Variants in NR4A1 observed in about 807,000 individuals in gnomAD.
NR4A1 encodes the protein nuclear receptor subfamily 4immunitygroup A member 1.
NR4A1 carries 24 observed loss-of-function variants against 47.5 expected under a neutral mutation model. The observed-to-expected ratio is 0.50, with a 90% CI of 0.37 to 0.71. The LOEUF is 0.71. Ranked by LOEUF, NR4A1 falls within the 30% of genes least tolerant of loss-of-function variation. The pLI is 0.00. For missense variants in NR4A1, 669 were observed against 788.6 expected, an observed-to-expected ratio of 0.85 and a Z score of 1.82; for synonymous variants, 353 against 345.7, an observed-to-expected ratio of 1.02 and a Z score of -0.24.
chr12:52,037,301 G>T, intron 1 of NR4A1: 1 of 903,484 alleles, frequency 1.1e-6, no homozygotes, highest in South Asian at 4.9e-5. Flanking sequence ...GGCGGCGGCG[G>T]AACTGGCGGG....
intron 1 of NR4A1, among the ~76,000 whole-genome samples, chr12:52,052,300 TGTGTGAGAGAGAGAGA>T (rs1939014257): frequency 7.4e-6 from 1 of 135,586 alleles, no homozygotes; most frequent in South Asian, 2.4e-4. Flanking sequence ...TGTGTGTGTG[TGTGTGAGAGAGAGAGA>T]GAGAGAGAGA....
At chr12:52,057,730 C>T (rs559984016) in intron 6 of NR4A1, among the ~76,000 whole-genome samples, 200 bp downstream of exon 6, 55 of 152,326 alleles carry the variant, frequency 3.6e-4, no homozygotes, top group Admixed American at 2.7e-3. Flanking sequence ...AGCTCTAAAG[C>T]GCAAGACAGC....
exon 2 of NR4A1, chr12:52,041,839 G>C: frequency 6.7e-7 from 1 of 1,502,332 alleles, no homozygotes; most frequent in Non-Finnish European, 8.8e-7. Context: ...GCCAGGCCCT[G>C]CCCCTCCCAG....
At chr12:52,058,597 T>C in intron 6 of NR4A1, 91 bp from the exon 7 acceptor site, 1 of 1,429,978 alleles carries the variant, frequency 7.0e-7, no homozygotes, top group Non-Finnish European at 9.2e-7. Context: ...TGAGGGGTGG[T>C]CAGGGGCAGC....
chr12:52,047,950 C>T (rs549889596), upstream of NR4A1, among the ~76,000 whole-genome samples: 799 of 151,958 alleles, frequency 5.3e-3, 3 homozygotes, highest in Non-Finnish European at 8.4e-3. Flanking sequence ...GTCAGGAGAT[C>T]GAGACTATCC....
At position 52,054,792 on chromosome 12, in the gene NR4A1, A is replaced by T. The variant is rs772399925; in HGVS notation, c.464A>T (p.Asp155Val). ...SFQPPQLSPW[D>V]GSFGHFSPSQ... ...CAGCCGCCCCAGCTCTCTCCCTGGG[A>T]TGGCTCCTTCGGCCACTTCTCGCCC... The change falls in exon 2 of 7, where the codon GAT becomes GTT. Residue 155 changes from aspartate to valine, a missense_variant. Transcript: ENST00000394825. 1.9e-6 allele frequency: 3 copies of T among 1,612,956 alleles called. No homozygotes were observed. Among genetic ancestry groups the T allele is most frequent in the African/African-American group, 1.3e-5 (1 of 74,908 alleles).
chr12:52,037,540 G>A (rs1938280242), intron 1 of NR4A1: 1 of 980,630 alleles, frequency 1.0e-6, no homozygotes, highest in East Asian at 1.1e-4. Context: ...GGGCCACGCC[G>A]GAGTCCCGCT....
chr12:52,059,268 G>A lies in NR4A1; in HGVS notation c.*324G>A, dbSNP rs984468914. On this transcript the variant is annotated 3_prime_UTR_variant, in exon 7 of 7. Coordinates refer to ENST00000394825, the MANE Select transcript of NR4A1 (RefSeq NM_173157.3). Reference sequence around the variant, plus strand: ...TAAATACAGGAAGAAAGAGCTTGAGGTGGGAGCGGGGCTGGGAGGAAGGGA... The same window carrying A: ...TAAATACAGGAAGAAAGAGCTTGAGATGGGAGCGGGGCTGGGAGGAAGGGA... 7.7e-6 allele frequency: 2 copies of A among 260,624 alleles called. No individual in the cohort carries two copies. The highest frequency in any genetic ancestry group is 4.4e-5 in the African/African-American group (2 of 44,982). 16.1% of individuals were successfully genotyped at this position (260,624 alleles called of 1,614,324 possible).
chr12:52,027,468 C>T (rs938132082), intron 1 of NR4A1, among the ~76,000 whole-genome samples: 1 of 152,234 alleles, frequency 6.6e-6, no homozygotes, highest in Non-Finnish European at 1.5e-5. Flanking sequence ...AAGGCAGCTC[C>T]CAGCCACGCT....
intron 1 of NR4A1, 120 bp downstream of exon 1, chr12:52,051,688 C>T (rs1415305968): frequency 6.2e-6 from 4 of 640,232 alleles, no homozygotes; most frequent in Non-Finnish European, 7.8e-6. Flanking sequence ...GTGTAGTGTG[C>T]AGCTGTAGCA....
chr12:52,024,911 C>G lies in NR4A1; in HGVS notation c.-84+1972C>G, dbSNP rs532058548. 2.0e-5 allele frequency among the ~76,000 whole-genome samples: 3 copies of G among 152,312 alleles called. No homozygotes were observed. In the South Asian group the frequency reaches 6.2e-4, roughly 32 times the overall value. Reference sequence around the variant, plus strand: ...GGTAATGCCAGGAATACCCACTTCACAGGCAGCGGTGAGGCCCCGCACACA... The same window carrying G: ...GGTAATGCCAGGAATACCCACTTCAGAGGCAGCGGTGAGGCCCCGCACACA... On this transcript the variant is annotated intron_variant, in intron 1 of 7. Coordinates refer to the NR4A1 transcript ENST00000360284.
chr12:52,046,839 C>T (rs367710060), upstream of NR4A1, among the ~76,000 whole-genome samples: 56 of 152,186 alleles, frequency 3.7e-4, no homozygotes, highest in African/African-American at 8.9e-4. Flanking sequence ...AAAAATTAGC[C>T]GGGCGTGGTG....
intron 2 of NR4A1, chr12:52,045,625 G>A: frequency 1.2e-5 from 5 of 420,152 alleles, no homozygotes; most frequent in South Asian, 8.4e-5. Context: ...TCTTGGAGAG[G>A]ACAAGGGACT....
At chr12:52,051,405 A>G (rs1938930651), upstream of NR4A1, 2 of 985,374 alleles carry the variant, frequency 2.0e-6, no homozygotes, top group Non-Finnish European at 2.4e-6. Flanking sequence ...CCCGTGCGTC[A>G]CGGAGCGCTT....
At chr12:52,042,807 G>T (rs1938488902) in intron 2 of NR4A1, among the ~76,000 whole-genome samples, 1 of 152,216 alleles carries the variant, frequency 6.6e-6, no homozygotes, top group African/African-American at 2.4e-5. Flanking sequence ...TCCTGGTTCT[G>T]TGCCTAAAGG....
intron 1 of NR4A1, among the ~76,000 whole-genome samples, chr12:52,025,823 G>A (rs367889762): frequency 6.6e-6 from 1 of 152,166 alleles, no homozygotes; most frequent in African/African-American, 2.4e-5. Flanking sequence ...AGTACCTCCT[G>A]TTACCAGCAG....
chr12:52,023,221 C>A (rs1937920816), intron 1 of NR4A1, among the ~76,000 whole-genome samples: 1 of 152,368 alleles, frequency 6.6e-6, no homozygotes, highest in South Asian at 2.1e-4. Context: ...GCCTTCAAGG[C>A]CTGGGCTAGA....
At chr12:52,056,279 A>G (rs957778664) in intron 3 of NR4A1, 120 bp downstream of exon 3, 2 of 1,428,122 alleles carry the variant, frequency 1.4e-6, no homozygotes, top group Non-Finnish European at 1.9e-6. Context: ...TTTCCACCCC[A>G]CCTCTGAACC....
At chr12:52,024,468 C>T (rs1937962089) in intron 1 of NR4A1, among the ~76,000 whole-genome samples, 3 of 152,264 alleles carry the variant, frequency 2.0e-5, no homozygotes, top group Middle Eastern at 3.4e-3. Context: ...AGGCCAAGGC[C>T]GGAGGATCTC....
Sources: gnomAD v4.1 joint callset for allele counts (sites outside exome capture counted in the v4.1 genomes callset) on GRCh38, gnomAD v4.1.1 for gene constraint, MANE v1.5 for transcripts, NCBI Gene and HGNC (gene_info 2026-07-23, HGNC 2026-07-21) for gene names.